The following KCNQ1 variants were observed in gnomAD, a reference collection of about 807,000 sequenced individuals.
The protein encoded by KCNQ1 is potassium voltage-gated channel subfamily KQT member 1.
Under a neutral mutation model 72.4 loss-of-function variants are expected in KCNQ1, and 49 were observed. The observed-to-expected ratio is 0.68, with a 90% CI of 0.54 to 0.86. The LOEUF is 0.86. KCNQ1 is among the 40% of genes least tolerant of loss of function. The pLI is 0.00. For synonymous variants in KCNQ1, 450 were observed against 412.6 expected (o/e 1.09, Z -1.10); for missense variants, 790 against 945.1 (o/e 0.84, Z 2.15).
At position 2,828,665 on chromosome 11, in the gene KCNQ1, C is replaced by T. The variant is rs528010228; in HGVS notation, c.1795-19102C>T. 6.6e-6 allele frequency among the ~76,000 whole-genome samples: 1 copy of T among 152,154 alleles called. No individual in the cohort carries two copies. Among genetic ancestry groups the T allele is most frequent in the African/African-American group, 2.4e-5 (1 of 41,404 alleles). On this transcript the variant is annotated intron_variant, in intron 15 of 15. Transcript: ENST00000155840. The surrounding 1 kb of genome is among the most constrained non-coding windows in gnomAD (Gnocchi z 5.3). ...AGGTTGAGTCTCCAGAAAAGCTGAG[C>T]CTGAGAGGTTCTGAACTTGGAGCCA...
Position 2,824,311 on chromosome 11 carries a change from A to G in KCNQ1, c.1795-23456A>G, listed in dbSNP as rs1206955255. Among the ~76,000 whole-genome samples, 1 of 152,076 alleles carries G rather than the reference A, an allele frequency of 6.6e-6. No individual in the cohort carries two copies. The highest frequency in any genetic ancestry group is 6.5e-5 in the Admixed American group (1 of 15,272). The stretch of plus-strand genomic sequence containing the variant: ...CTAGGCCCAGGGGTGGAAAGAAGAC[A>G]GATACGAGAGGGGATTTGGAGACAC... On this transcript the variant is annotated intron_variant, in intron 15 of 15. Coordinates refer to ENST00000155840, the MANE Select transcript of KCNQ1 (RefSeq NM_000218.3). The surrounding 1 kb of genome is among the most constrained non-coding windows in gnomAD (Gnocchi z 5.9).
rs1846961540 is a variant in KCNQ1 at position 2,498,803 on chromosome 11, C to T, written c.387-29125C>T. ...TCAGTTTTGTGCTTGAAACCCAGGGCCCTGGTGGTATAGGCACATGAAGGA... is the reference window on the plus strand; with the variant it reads ...TCAGTTTTGTGCTTGAAACCCAGGGTCCTGGTGGTATAGGCACATGAAGGA... On this transcript the variant is annotated intron_variant, in intron 1 of 15. Transcript: ENST00000155840. The surrounding 1 kb of genome is among the most constrained non-coding windows in gnomAD (Gnocchi z 4.8). Among the ~76,000 whole-genome samples, 1 of 152,188 alleles carries T rather than the reference C, an allele frequency of 6.6e-6. No individual in the cohort carries two copies. Among genetic ancestry groups the T allele is most frequent in the Non-Finnish European group, 1.5e-5 (1 of 68,040 alleles).
chr11:2,503,625 G>A (rs1847051745), intron 1 of KCNQ1, among the ~76,000 whole-genome samples: 1 of 151,800 alleles, frequency 6.6e-6, no homozygotes, highest in Non-Finnish European at 1.5e-5. Flanking sequence ...CACCAACATG[G>A]CACATGTATA....
At chr11:2,819,142 G>T (rs1847680954) in intron 15 of KCNQ1, among the ~76,000 whole-genome samples, 1 of 152,192 alleles carries the variant, frequency 6.6e-6, no homozygotes, top group Non-Finnish European at 1.5e-5. Flanking sequence ...ACAAGTATTT[G>T]CCAAGCATCC....
intron 15 of KCNQ1, among the ~76,000 whole-genome samples, chr11:2,819,778 G>A (rs1847695256): frequency 6.6e-6 from 1 of 152,154 alleles, no homozygotes; most frequent in Admixed American, 6.5e-5. Flanking sequence ...AGGAGGGTAG[G>A]TAACTGGCAT....
rs1849594604 is a variant in KCNQ1 at position 2,642,477 on chromosome 11, GAA to G, written c.1394-19483_1394-19482del. 1 of 397,992 alleles carries G rather than the reference GAA, an allele frequency of 2.5e-6. No homozygotes were observed. Among genetic ancestry groups the G allele is most frequent in the Non-Finnish European group, 4.4e-6 (1 of 225,710 alleles). 24.7% of individuals were successfully genotyped at this position (397,992 alleles called of 1,614,324 possible). A position where few individuals can be genotyped will look rare whatever the true frequency, so the allele number is the denominator to read the frequency against. ...CTGTAATCAATTTATTGATCAGACT[GAA>G]GAGTTTTGATTTTTGTATTTCATGG... On this transcript the variant is annotated intron_variant, in intron 10 of 15. Coordinates refer to ENST00000155840, the MANE Select transcript of KCNQ1 (RefSeq NM_000218.3). The surrounding 1 kb of genome is among the most constrained non-coding windows in gnomAD (Gnocchi z 4.3).
chr11:2,770,922 C>T (rs1197637389), intron 12 of KCNQ1, among the ~76,000 whole-genome samples: 1 of 152,246 alleles, frequency 6.6e-6, no homozygotes, highest in African/African-American at 2.4e-5. Flanking sequence ...CTGGGCAGGG[C>T]AGTCCCCCGA....
rs1185679143 is a variant in KCNQ1 at position 2,477,420 on chromosome 11, A to C, written c.386+31936A>C. Among the ~76,000 whole-genome samples, 1 of 152,194 alleles carries C rather than the reference A, an allele frequency of 6.6e-6. No homozygotes were observed. The highest frequency in any genetic ancestry group is 1.5e-5 in the Non-Finnish European group (1 of 68,032). ...CCATTGAATTAGGATGCCGTCTGCT[A>C]CTGAGAGAGCCAGTCATGTTAGTGG... On this transcript the variant is annotated intron_variant, in intron 1 of 15. Transcript: ENST00000155840. The surrounding 1 kb of genome is among the most constrained non-coding windows in gnomAD (Gnocchi z 5.0).
At chr11:2,525,189 C>T (rs764757746) in intron 1 of KCNQ1, among the ~76,000 whole-genome samples, 6 of 152,142 alleles carry the variant, frequency 3.9e-5, no homozygotes, top group African/African-American at 7.2e-5. Flanking sequence ...AACCCTGCTC[C>T]GGCAGTGGGC....
Position 2,735,346 on chromosome 11 carries a change from G to C in KCNQ1, c.1515-33498G>C, listed in dbSNP as rs749279266. Among the ~76,000 whole-genome samples, 1 of 151,992 alleles carries C rather than the reference G, an allele frequency of 6.6e-6. No homozygotes were observed. The highest frequency in any genetic ancestry group is 2.1e-4 in the South Asian group (1 of 4,830). On this transcript the variant is annotated intron_variant, in intron 11 of 15. Coordinates refer to ENST00000155840, the MANE Select transcript of KCNQ1 (RefSeq NM_000218.3). This position sits in a 1 kb window ranked among gnomAD's most constrained non-coding sequence, Gnocchi z 7.7. ...GCTAATGGCAATTGAGGCCCTGCCC[G>C]GTGGAGGGTGGGCCATGGCCGCCCC...
At chr11:2,618,204 T>G (rs960029821) in intron 10 of KCNQ1, 5 of 398,578 alleles carry the variant, frequency 1.3e-5, no homozygotes, top group Non-Finnish European at 1.8e-5. Flanking sequence ...ATGTATGGTG[T>G]AAGGCAGCGA....
chr11:2,540,765 G>A (rs1000757242), intron 2 of KCNQ1, among the ~76,000 whole-genome samples: 2 of 152,332 alleles, frequency 1.3e-5, no homozygotes, highest in African/African-American at 4.8e-5. Context: ...GCAATGGGAG[G>A]CAGAGAGCAC....
Position 2,599,151 on chromosome 11 carries a change from A to G in KCNQ1, c.1393+10297A>G, listed in dbSNP as rs192949033. Among the ~76,000 whole-genome samples, 271 of 152,274 alleles carry G rather than the reference A, an allele frequency of 1.8e-3. No homozygotes were observed. Among genetic ancestry groups the G allele is most frequent in the Non-Finnish European group, 2.3e-3 (155 of 68,002 alleles). On this transcript the variant is annotated intron_variant, in intron 10 of 15. Transcript: ENST00000155840. The surrounding 1 kb of genome is among the most constrained non-coding windows in gnomAD (Gnocchi z 4.7). ...TCTCTGTTACCTATGTTGATAATCT[A>G]GGATTTGTTGTCTTACATTTTTCCT...
At chr11:2,717,871 G>A (rs1380999422) in intron 11 of KCNQ1, among the ~76,000 whole-genome samples, 8 of 152,138 alleles carry the variant, frequency 5.3e-5, no homozygotes, top group Non-Finnish European at 1.0e-4. Context: ...TGGCCCACTC[G>A]CCCCAGGGCC....
chr11:2,667,817 G>A, intron 11 of KCNQ1: 2 of 398,672 alleles, frequency 5.0e-6, no homozygotes, highest in Non-Finnish European at 8.8e-6. Context: ...CCTGGTATAG[G>A]GTGGTGGTGT....
intron 11 of KCNQ1, among the ~76,000 whole-genome samples, chr11:2,761,302 C>T (rs1023938778): frequency 3.9e-5 from 6 of 152,106 alleles, no homozygotes; most frequent in South Asian, 4.2e-4. Flanking sequence ...TGTGCTCCTA[C>T]GCTGGTGTGT....
intron 15 of KCNQ1, among the ~76,000 whole-genome samples, chr11:2,846,316 G>A (rs907966786): frequency 3.9e-5 from 6 of 152,198 alleles, no homozygotes; most frequent in African/African-American, 1.2e-4. Context: ...AAGCAGCTCT[G>A]CTGTTCAGCC....
chr11:2,500,730 C>T (rs534982487), intron 1 of KCNQ1, among the ~76,000 whole-genome samples: 94 of 152,092 alleles, frequency 6.2e-4, no homozygotes, highest in Admixed American at 2.6e-3. Context: ...TTCAGGGACA[C>T]GGATGAAGCT....
chr11:2,570,342 G>A (rs1185190198), intron 2 of KCNQ1, among the ~76,000 whole-genome samples: 2 of 152,242 alleles, frequency 1.3e-5, no homozygotes, highest in Non-Finnish European at 2.9e-5. Context: ...TCTGGCCAAG[G>A]CTGGGGTTCC....
Sources: gnomAD v4.1 joint callset for allele counts (sites outside exome capture counted in the v4.1 genomes callset) on GRCh38, gnomAD v4.1.1 for gene constraint, Gnocchi (gnomAD v3.1) non-coding constraint, MANE v1.5 for transcripts, NCBI Gene and HGNC (gene_info 2026-07-23, HGNC 2026-07-21) for gene names.